The following PLIN4 variants were observed in gnomAD, a reference collection of about 807,000 sequenced individuals.
PLIN4 encodes perilipin-4.
In PLIN4, 57 loss-of-function variants were observed where a neutral mutation model predicts 52.4. The ratio of observed to expected loss-of-function variants is 1.09; its 90% CI spans 0.88 to 1.36. PLIN4 has a LOEUF of 1.36. Among genes scored for constraint, PLIN4 ranks in the 40% most tolerant of loss-of-function variants. The probability of loss-of-function intolerance (pLI) is 0.00; values close to 1 mark genes in which losing one functional copy is unlikely to be tolerated. For missense variants in PLIN4, 1,757 were observed against 1,770.3 expected, an observed-to-expected ratio of 0.99 and a Z score of 0.13; for synonymous variants, 826 against 785.4, an observed-to-expected ratio of 1.05 and a Z score of -0.86.
At position 4,511,015 on chromosome 19, in the gene PLIN4, C is replaced by A; in HGVS notation, c.2945G>T (p.Gly982Val). 1 of 1,613,316 alleles carries A rather than the reference C, an allele frequency of 6.2e-7. No individual in the cohort carries two copies. Among genetic ancestry groups the A allele is most frequent in the Non-Finnish European group, 8.5e-7 (1 of 1,179,844 alleles). ...VNVAKGTVQT[G>V]VDASKAVLMG... is the part of the protein sequence containing the mutation. ...AAGCACAGCCTTGGAGGCGTCCACGCCGGTCTGCACGGTTCCTTTGGCCAC... is the reference window on the plus strand; with the variant it reads ...AAGCACAGCCTTGGAGGCGTCCACGACGGTCTGCACGGTTCCTTTGGCCAC... Residue 982 changes from glycine (G) to valine (V), a missense_variant, in exon 5 of 8, where the codon GGC (glycine) becomes GTC (valine). Gly to Val is a moderately radical substitution (Grantham distance 109, BLOSUM62 -3). Transcript: ENST00000301286.
intron 6 of PLIN4, among the ~76,000 whole-genome samples, chr19:4,506,718 G>A (rs1421587399): frequency 1.3e-5 from 2 of 152,240 alleles, no homozygotes; most frequent in East Asian, 3.9e-4. Context: ...GCTGAGTTCT[G>A]GCCCAGGCTA....
chr19:4,513,545 C>G lies in PLIN4; in HGVS notation c.415G>C (p.Val139Leu). The change falls in exon 5 of 8, where the codon GTG (valine) becomes CTG (leucine). Residue 139 changes from valine (V) to leucine (L), a missense_variant. This residue lies in a region of PLIN4 where 332 missense variants were observed against 310.8 expected (regional missense o/e 1.07). Coordinates refer to ENST00000301286, the MANE Select transcript of PLIN4 (RefSeq NM_001367868.2). ...RSALTGTKEV[V>L]SSGVTGAMDM... The stretch of plus-strand genomic sequence containing the variant: ...ATGGCCCCTGTGACCCCGCTGGACA[C>G]CACCTCCTTGGTGCCCGTAAGTGCA... 1 of 1,609,266 alleles carries G rather than the reference C, an allele frequency of 6.2e-7. No homozygotes were observed. Among genetic ancestry groups the G allele is most frequent in the Non-Finnish European group, 8.5e-7 (1 of 1,177,666 alleles).
intron 7 of PLIN4, 30 bp downstream of exon 7, chr19:4,504,830 TG>T: frequency 6.2e-7 from 1 of 1,602,182 alleles, no homozygotes. Context: ...ATGGGCGGGG[TG>T]GGGGGACCCT....
Position 4,504,315 on chromosome 19 carries a change from C to G in PLIN4, c.*144G>C, listed in dbSNP as rs1202897414. On this transcript the variant is annotated 3_prime_UTR_variant, in exon 8 of 8. Transcript: ENST00000301286. ...TTAAGAAGGTCACTGCCTCCGCAGC[C>G]CCTCGGCGCTCAGCCAGCTGCAGCC... 2 of 838,808 alleles carry G rather than the reference C, an allele frequency of 2.4e-6. No homozygotes were observed. The highest frequency in any genetic ancestry group is 3.4e-5 in the African/African-American group (2 of 58,152). The allele number at this position is 838,808 out of a possible 1,614,324, so 52.0% of individuals were successfully genotyped here.
At chr19:4,506,410 G>A (rs1976095276) in intron 6 of PLIN4, among the ~76,000 whole-genome samples, 1 of 152,094 alleles carries the variant, frequency 6.6e-6, no homozygotes, top group African/African-American at 2.4e-5. Context: ...CCCTCTTCAG[G>A]GTGACCAGCC....
rs763149231 is a variant in PLIN4, at chr19:4,508,805, C to CT, written c.3664dup (p.Arg1222LysfsTer15). On this transcript the variant is annotated frameshift_variant, in exon 6 of 8. Transcript: ENST00000301286. LOFTEE classifies it high-confidence loss of function. ...GTCCTGGAGCTGGGCCAGAGTGTCC[C>CT]TGGCTTGGAACTGGCCGTGCTGCAG... is the stretch of plus-strand genomic sequence containing the variant. The CT allele has an allele frequency of 2.2e-5, 35 of 1,597,998 alleles. No individual in the cohort carries two copies. The highest frequency in any genetic ancestry group is 2.6e-5 in the Non-Finnish European group (30 of 1,172,888).
In PLIN4 at chr19:4,503,399, C is replaced by G. The variant is rs1209327210; in HGVS notation, c.*1060G>C. ...CCTGGGCTAGCCTGAGAGCACGGGG[C>G]CCGGCGGCCGGGTCCGCCACCACCA... On this transcript the variant is annotated 3_prime_UTR_variant, in exon 8 of 8. Coordinates refer to ENST00000301286, the MANE Select transcript of PLIN4 (RefSeq NM_001367868.2). 1 of 152,808 alleles carries G rather than the reference C, an allele frequency of 6.5e-6. No homozygotes were observed. The highest frequency in any genetic ancestry group is 1.5e-5 in the Non-Finnish European group (1 of 68,538). 9.5% of individuals were successfully genotyped at this position (152,808 alleles called of 1,614,324 possible).
chr19:4,504,506 G>C lies in PLIN4; in HGVS notation c.4069C>G (p.Leu1357Val), dbSNP rs779419336. ...GCGAAGGGCCCTACCAGCCAGCTGA[G>C]CGGGGGATTGTGCTGTAGGCCCTCC... ...LLEGLQHNPP[L>V]SWLVGPFALP... is the part of the protein sequence containing the mutation. Residue 1357 changes from leucine (L) to valine (V), a missense_variant, in exon 8 of 8, where the codon CTC (leucine) becomes GTC (valine). Coordinates refer to ENST00000301286, the MANE Select transcript of PLIN4 (RefSeq NM_001367868.2). The C allele has an allele frequency of 6.2e-7, 1 of 1,600,778 alleles. No individual in the cohort carries two copies. The highest frequency in any genetic ancestry group is 8.5e-7 in the Non-Finnish European group (1 of 1,173,180).
chr19:4,513,747 G>A (rs1309326853), intron 4 of PLIN4, 46 bp from the exon 5 acceptor site: 20 of 1,525,618 alleles, frequency 1.3e-5, no homozygotes, highest in Non-Finnish European at 1.6e-5. Context: ...ACTGAGAGGT[G>A]TACTCCACCC....
chr19:4,516,919 C>G (rs1021129115), intron 3 of PLIN4, among the ~76,000 whole-genome samples: 6 of 152,220 alleles, frequency 3.9e-5, no homozygotes, highest in African/African-American at 1.4e-4. Context: ...TGTGGAACTT[C>G]CTCTGCTGGG....
Position 4,509,032 on chromosome 19 carries a change from G to A in PLIN4, c.3515-77C>T, listed in dbSNP as rs557577588. On this transcript the variant is annotated intron_variant, in intron 5 of 7. Coordinates refer to ENST00000301286, the MANE Select transcript of PLIN4 (RefSeq NM_001367868.2). ...GCTTTATAAAAGTCAAGTGAGGGCC[G>A]GGCGCGGCGGTTCCCGCCTGTGATC... The A allele has an allele frequency of 7.1e-5, 99 of 1,400,182 alleles. No individual in the cohort carries two copies. In the South Asian group the frequency reaches 8.2e-4, roughly 12 times the overall value. 86.7% of individuals were successfully genotyped at this position (1,400,182 alleles called of 1,614,324 possible).
chr19:4,509,832 G>A (rs769941066), intron 5 of PLIN4, among the ~76,000 whole-genome samples: 1 of 151,894 alleles, frequency 6.6e-6, no homozygotes, highest in African/African-American at 2.4e-5. Context: ...GGAGCAGGAG[G>A]ATCACTTGAG....
intron 6 of PLIN4, among the ~76,000 whole-genome samples, chr19:4,506,903 A>G (rs11673616): frequency 0.097 from 14,729 of 152,304 alleles, 894 homozygotes; most frequent in South Asian, 0.2. Flanking sequence ...GGGGGTGGCC[A>G]CAGTGACATG....
rs775417607 is a variant in PLIN4 at position 4,511,226 on chromosome 19, T to A, written c.2734A>T (p.Thr912Ser). ...CTGGTGTCCACGCCGGTCTGGACAG[T>A]CCCTTTGGCCAAGTTCACAGCCCCT... ...LTGAVNLAKG[T>S]VQTGVDTSKT... is the part of the protein sequence containing the mutation. Residue 912 changes from threonine (T) to serine (S), a missense_variant, in exon 5 of 8, where the codon ACT becomes TCT. By Grantham distance (58) the Thr-to-Ser change is moderately conservative. Transcript: ENST00000301286. 73 of 1,611,160 alleles carry A rather than the reference T, an allele frequency of 4.5e-5. No homozygotes were observed. Among genetic ancestry groups the A allele is most frequent in the Non-Finnish European group, 5.9e-5 (70 of 1,178,302 alleles).
At position 4,512,883 on chromosome 19, in the gene PLIN4, G is replaced by A. The variant is rs61731459; in HGVS notation, c.1077C>T (p.Thr359=). The A allele has an allele frequency of 7.0e-4, 1,096 of 1,567,368 alleles. 269 individuals are homozygous for A. The African/African-American group carries it at 0.015, about 22-fold the overall frequency. The change falls in exon 5 of 8, where the codon ACC becomes ACT. Residue 359 remains threonine (T), a synonymous_variant. Transcript: ENST00000301286. The part of the protein sequence containing the change: ...KGTIQTGVDT[T]KTVLTGTKNT... ...TCTTGGTGCCAGTTAGGACAGTCTT[G>A]GTGGTGTCCACGCCGGTCTGGATGG...
intron 7 of PLIN4, 30 bp from the exon 8 acceptor site, chr19:4,504,815 G>T (rs1289970625): frequency 1.2e-6 from 2 of 1,604,670 alleles, no homozygotes; most frequent in Admixed American, 1.7e-5. Context: ...GGTGAGTGGA[G>T]ACCCATGGGC....
chr19:4,513,794 G>C, intron 4 of PLIN4, 93 bp from the exon 5 acceptor site: 1 of 1,437,742 alleles, frequency 7.0e-7, no homozygotes. Context: ...TGTGCTTTGG[G>C]GCAAGGAACT....
At chr19:4,506,444 T>C (rs1976096116) in intron 6 of PLIN4, among the ~76,000 whole-genome samples, 1 of 152,216 alleles carries the variant, frequency 6.6e-6, no homozygotes. Flanking sequence ...TTCCTTATCC[T>C]GGTACATGTT....
chr19:4,505,140 TCATCAGGGAGTG>T, intron 6 of PLIN4, among the ~76,000 whole-genome samples, 193 bp from the exon 7 acceptor site: 1 of 152,082 alleles, frequency 6.6e-6, no homozygotes. Context: ...CCCCATGAGG[TCATCAGGGAGTG>T]CACGTAACAC....
Sources: gnomAD v4.1 joint callset for allele counts (sites outside exome capture counted in the v4.1 genomes callset) on GRCh38, gnomAD v4.1.1 for gene constraint, gnomAD v4.1.1 regional missense constraint, MANE v1.5 for transcripts, NCBI Gene and HGNC (gene_info 2026-07-23, HGNC 2026-07-21) for gene names.